The following KCNC2 variants were observed in gnomAD, a reference collection of about 807,000 sequenced individuals.
KCNC2 encodes the protein potassium voltage-gated channel subfamily C member 2.
Under a neutral mutation model 44.5 loss-of-function variants are expected in KCNC2, and 21 were observed. The ratio of observed to expected loss-of-function variants is 0.47; its 90% CI spans 0.33 to 0.68. The LOEUF is 0.68. Among genes scored for constraint, KCNC2 ranks in the 30% least tolerant of loss-of-function variants. The pLI is 0.01. For synonymous variants in KCNC2, 391 were observed against 339.1 expected (o/e 1.15, Z -1.68); for missense variants, 589 against 826.2 (o/e 0.71, Z 3.52).
In KCNC2 at chr12:75,048,209, C is replaced by T. The variant is rs1394426734; in HGVS notation, c.1724G>A (p.Cys575Tyr). 6.2e-7 allele frequency: 1 copy of T among 1,612,938 alleles called. No individual in the cohort carries two copies. Among genetic ancestry groups the T allele is most frequent in the African/African-American group, 1.3e-5 (1 of 74,780 alleles). ...TRDKNRRGET[C>Y]FLLTTGDYTC... ...GTAATCACCTGTCGTCAGTAGGAAA[C>T]ATGTTTCCCCTCTTCTGTTTTTGTC... The change falls in exon 4 of 5, where the codon TGT becomes TAT. Residue 575 changes from cysteine (C) to tyrosine (Y), a missense_variant. By Grantham distance (194) the Cys-to-Tyr change is radical (BLOSUM62 -2). Transcript: ENST00000549446.
intron 2 of KCNC2, among the ~76,000 whole-genome samples, chr12:75,132,054 G>A (rs1313050367): frequency 6.6e-6 from 1 of 152,060 alleles, no homozygotes; most frequent in Non-Finnish European, 1.5e-5. Flanking sequence ...ACACAAGTTG[G>A]TCAAATTTTA....
chr12:75,108,147 C>T (rs1198849755), intron 2 of KCNC2, among the ~76,000 whole-genome samples: 1 of 152,056 alleles, frequency 6.6e-6, no homozygotes, highest in Non-Finnish European at 1.5e-5. Context: ...TTCCACCTTC[C>T]ACTTTATGAA....
At chr12:75,171,705 G>A (rs1262757354) in intron 2 of KCNC2, among the ~76,000 whole-genome samples, 1 of 151,776 alleles carries the variant, frequency 6.6e-6, no homozygotes, top group Non-Finnish European at 1.5e-5. Context: ...CAGCGCAGTA[G>A]AATGACTATA....
intron 2 of KCNC2, among the ~76,000 whole-genome samples, chr12:75,170,124 A>G (rs1384610707): frequency 6.6e-6 from 1 of 151,802 alleles, no homozygotes; most frequent in Non-Finnish European, 1.5e-5. Flanking sequence ...TGAAGTCACT[A>G]GAATTCCAAG....
At chr12:75,075,919 C>T (rs960651052) in intron 2 of KCNC2, among the ~76,000 whole-genome samples, 12 of 152,048 alleles carry the variant, frequency 7.9e-5, no homozygotes, top group Non-Finnish European at 2.9e-5. Flanking sequence ...TGGCAAATGA[C>T]CTATTCTGAA....
chr12:75,173,860 T>C (rs1179363939), intron 2 of KCNC2, among the ~76,000 whole-genome samples: 1 of 151,890 alleles, frequency 6.6e-6, no homozygotes, highest in Non-Finnish European at 1.5e-5. Context: ...AAAAATCGGC[T>C]CCTTGATTTG....
intron 2 of KCNC2, among the ~76,000 whole-genome samples, chr12:75,192,104 T>C (rs184721842): frequency 6.6e-6 from 1 of 152,346 alleles, no homozygotes. Context: ...TGATGAAGCA[T>C]ATTCTAGATA....
chr12:75,049,510 C>G (rs1016930010), intron 3 of KCNC2, among the ~76,000 whole-genome samples: 1 of 152,066 alleles, frequency 6.6e-6, no homozygotes, highest in African/African-American at 2.4e-5. Flanking sequence ...GGTGACATCA[C>G]TATTACTTTG....
chr12:75,201,607 T>G (rs1314652086), intron 2 of KCNC2, among the ~76,000 whole-genome samples: 1 of 151,820 alleles, frequency 6.6e-6, no homozygotes, highest in African/African-American at 2.4e-5. Flanking sequence ...TCAGGCATTT[T>G]TCAATTCTTT....
At chr12:75,078,107 A>G (rs1884160216) in intron 2 of KCNC2, among the ~76,000 whole-genome samples, 1 of 152,198 alleles carries the variant, frequency 6.6e-6, no homozygotes, top group Admixed American at 6.5e-5. Context: ...AATAAAATAT[A>G]TTCAGCTTTT....
intron 2 of KCNC2, among the ~76,000 whole-genome samples, chr12:75,074,154 T>C (rs1327594706): frequency 6.6e-6 from 1 of 152,000 alleles, no homozygotes; most frequent in Non-Finnish European, 1.5e-5. Flanking sequence ...AAGGAAAATA[T>C]TCTATTACAG....
At chr12:75,100,821 C>T (rs762144622) in intron 2 of KCNC2, among the ~76,000 whole-genome samples, 13 of 151,940 alleles carry the variant, frequency 8.6e-5, no homozygotes, top group East Asian at 7.7e-4. Flanking sequence ...GATTTGCCTA[C>T]GTATATAATA....
intron 2 of KCNC2, among the ~76,000 whole-genome samples, chr12:75,053,751 A>C (rs968076455): frequency 6.8e-6 from 1 of 147,642 alleles, no homozygotes; most frequent in Non-Finnish European, 1.5e-5. Context: ...TATAATATAT[A>C]TTACATAATT....
At chr12:75,134,637 A>C (rs1889099999) in intron 2 of KCNC2, among the ~76,000 whole-genome samples, 1 of 151,848 alleles carries the variant, frequency 6.6e-6, no homozygotes, top group African/African-American at 2.4e-5. Context: ...ATGTTGGGTT[A>C]GAGTTAGAGT....
chr12:75,193,036 TA>T (rs2030435756), intron 2 of KCNC2, among the ~76,000 whole-genome samples: 1 of 152,144 alleles, frequency 6.6e-6, no homozygotes, highest in African/African-American at 2.4e-5. Context: ...ACAATTTTTT[TA>T]AAACCTAGTG....
In KCNC2 at chr12:75,042,126, A is replaced by G; in HGVS notation, c.*979T>C. 8.0e-7 allele frequency: 1 copy of G among 1,255,230 alleles called. No homozygotes were observed. The highest frequency in any genetic ancestry group is 1.0e-6 in the Non-Finnish European group (1 of 998,090). 77.8% of individuals were successfully genotyped at this position (1,255,230 alleles called of 1,614,324 possible). On this transcript the variant is annotated 3_prime_UTR_variant, in exon 5 of 5. Transcript: ENST00000549446. Reference sequence around the variant, plus strand: ...CAAAAAATTAATAAATAAAAATAAAATAAGGGGGTAAAAAAAAGACACAAG... The same window carrying G: ...CAAAAAATTAATAAATAAAAATAAAGTAAGGGGGTAAAAAAAAGACACAAG...
intron 2 of KCNC2, among the ~76,000 whole-genome samples, chr12:75,127,902 G>C (rs1386889017): frequency 1.3e-5 from 2 of 152,036 alleles, no homozygotes; most frequent in Non-Finnish European, 2.9e-5. Context: ...CTTATTACCA[G>C]ACTACCTCTG....
chr12:75,080,690 T>G (rs1044020105), intron 2 of KCNC2, among the ~76,000 whole-genome samples: 3 of 152,088 alleles, frequency 2.0e-5, no homozygotes, highest in Admixed American at 1.3e-4. Context: ...ATCTGGCCCC[T>G]TTAGCATACA....
chr12:75,093,333 AAG>A (rs1288674240), intron 2 of KCNC2, among the ~76,000 whole-genome samples: 2 of 151,580 alleles, frequency 1.3e-5, no homozygotes, highest in Non-Finnish European at 3.0e-5. Flanking sequence ...ATTCCACAAA[AAG>A]AAAAGATTTG....
Sources: gnomAD v4.1 joint callset for allele counts (sites outside exome capture counted in the v4.1 genomes callset) on GRCh38, gnomAD v4.1.1 for gene constraint, MANE v1.5 for transcripts, NCBI Gene and HGNC (gene_info 2026-07-23, HGNC 2026-07-21) for gene names.